Variants in FBXO25 observed in about 807,000 individuals in gnomAD.
FBXO25 encodes the protein F-box protein 25.
A neutral mutation model predicts 51.9 loss-of-function variants in FBXO25; 45 were observed. That is an observed-to-expected ratio of 0.87 (90% CI 0.68 to 1.11). The LOEUF (loss-of-function observed/expected upper bound fraction) is 1.11, where lower values mean the gene tolerates loss of function less well. Ranked by LOEUF, FBXO25 falls within the 50% of genes most tolerant of loss-of-function variation. The pLI is 0.00. For missense variants in FBXO25, 507 were observed against 428.5 expected (o/e 1.18, Z -1.62); for synonymous variants, 199 against 151.0 (o/e 1.32, Z -2.33).
chr8:435,481 A>T (rs1798048524), intron 4 of FBXO25, 134 bp from the exon 5 acceptor site: 1 of 1,041,090 alleles, frequency 9.6e-7, no homozygotes, highest in East Asian at 2.6e-5. Flanking sequence ...TCTCATCTAA[A>T]TCTAAAATCA....
chr8:474,941 T>C lies in FBXO25; in HGVS notation c.*6137T>C, dbSNP rs1458999860. Reference sequence around the variant, plus strand: ...AAAATACTTTGTCCCATTCCGTGGATTGCCTTTCACTCTGTTTTGTTCTTT... The same window carrying C: ...AAAATACTTTGTCCCATTCCGTGGACTGCCTTTCACTCTGTTTTGTTCTTT... On this transcript the variant is annotated 3_prime_UTR_variant, in exon 10 of 10. Coordinates refer to ENST00000350302, the MANE Select transcript of FBXO25 (RefSeq NM_183420.2). The C allele has an allele frequency of 1.6e-5, 7 of 451,168 alleles. No individual in the cohort carries two copies. The East Asian group carries it at 4.2e-4, about 27-fold the overall frequency. 27.9% of individuals were successfully genotyped at this position (451,168 alleles called of 1,614,324 possible). A position where few individuals can be genotyped will look rare whatever the true frequency, so the allele number is the denominator to read the frequency against.
At chr8:424,073 A>G (rs1445314802) in intron 2 of FBXO25, among the ~76,000 whole-genome samples, 2 of 146,206 alleles carry the variant, frequency 1.4e-5, no homozygotes, top group African/African-American at 5.1e-5. Context: ...TTTGTTGGCC[A>G]CTTGTATATC....
intron 2 of FBXO25, among the ~76,000 whole-genome samples, chr8:425,978 C>G (rs1321208562): frequency 6.6e-6 from 1 of 150,926 alleles, no homozygotes; most frequent in African/African-American, 2.4e-5. Flanking sequence ...GTACCTGATA[C>G]TGCAGTTAGC....
Position 474,548 on chromosome 8 carries a change from A to G in FBXO25, c.*5744A>G, listed in dbSNP as rs956536495. The G allele has an allele frequency of 2.9e-6, 1 of 349,990 alleles. No individual in the cohort carries two copies. The highest frequency in any genetic ancestry group is 2.2e-5 in the African/African-American group (1 of 46,118). The allele number at this position is 349,990 out of a possible 1,614,324, so 21.7% of individuals were successfully genotyped here. On this transcript the variant is annotated 3_prime_UTR_variant, in exon 10 of 10. Transcript: ENST00000350302. ...CCAGTTTTGCCACATCCTTGCCAAC[A>G]CCTGTTTTTAATAATTGCCATCCTA...
rs765331447 is a variant in FBXO25, at chr8:467,716, G to T, written c.988-999G>T. The T allele has an allele frequency of 2.5e-6, 4 of 1,613,324 alleles. No homozygotes were observed. In the African/African-American group the frequency reaches 5.4e-5, roughly 22 times the overall value. ...TTCCTGATTCTTTCTTCATGATCTC[G>T]AAGGACTACCATCTTGCTTTACTAT... On this transcript the variant is annotated intron_variant, in intron 9 of 9. Coordinates refer to ENST00000350302, the MANE Select transcript of FBXO25 (RefSeq NM_183420.2).
rs1796573256 is a variant in FBXO25 at position 412,969 on chromosome 8, T to C, written c.-7-104T>C. On this transcript the variant is annotated intron_variant, in intron 1 of 9. Transcript: ENST00000350302. ...CAACGTTTAATTAATGAGCAGACATTTAAATGTTAAGAACTTTAATCTTTA... is the reference window on the plus strand; with the variant it reads ...CAACGTTTAATTAATGAGCAGACATCTAAATGTTAAGAACTTTAATCTTTA... The C allele has an allele frequency of 4.9e-6, 5 of 1,013,778 alleles. No homozygotes were observed. The South Asian group carries it at 7.3e-5, about 15-fold the overall frequency. The allele number at this position is 1,013,778 out of a possible 1,614,324, so 62.8% of individuals were successfully genotyped here.
intron 4 of FBXO25, among the ~76,000 whole-genome samples, chr8:433,372 C>G (rs1044955569): frequency 6.6e-6 from 1 of 152,146 alleles, no homozygotes; most frequent in African/African-American, 2.4e-5. Context: ...CTCCTGCAGT[C>G]ATACGCATTT....
chr8:464,025 A>G (rs894623866), intron 9 of FBXO25, among the ~76,000 whole-genome samples: 6 of 152,096 alleles, frequency 3.9e-5, no homozygotes, highest in African/African-American at 1.4e-4. Context: ...TTATGGGTGC[A>G]GTGGCGCAAT....
chr8:463,794 G>C (rs1053581826), intron 9 of FBXO25, among the ~76,000 whole-genome samples: 2 of 152,138 alleles, frequency 1.3e-5, no homozygotes, highest in Non-Finnish European at 2.9e-5. Context: ...CAGTCAGAGA[G>C]GTAACTGCTT....
chr8:467,518 G>C (rs778385329), intron 9 of FBXO25, among the ~76,000 whole-genome samples: 3 of 152,102 alleles, frequency 2.0e-5, no homozygotes, highest in African/African-American at 4.8e-5. Context: ...GGAATTTTTG[G>C]GTTATCTGAT....
At chr8:464,407 C>G (rs971932945) in intron 9 of FBXO25, among the ~76,000 whole-genome samples, 1 of 152,252 alleles carries the variant, frequency 6.6e-6, no homozygotes, top group South Asian at 2.1e-4. Flanking sequence ...CTGGAGTGAC[C>G]CTGCTGAGCT....
chr8:468,826 T>C lies in FBXO25; in HGVS notation c.*22T>C, dbSNP rs549462917. ...TTAAGGGCTGCCCCTGCCATCCCTA[T>C]TGGAGATTGTGAATCCTGCTGTCTG... On this transcript the variant is annotated 3_prime_UTR_variant, in exon 10 of 10. Coordinates refer to ENST00000350302, the MANE Select transcript of FBXO25 (RefSeq NM_183420.2). The C allele has an allele frequency of 6.2e-7, 1 of 1,609,842 alleles. No individual in the cohort carries two copies. The highest frequency in any genetic ancestry group is 1.1e-5 in the South Asian group (1 of 90,652).
At chr8:432,417 G>GA (rs781650259) in intron 3 of FBXO25, among the ~76,000 whole-genome samples, 12 of 151,546 alleles carry the variant, frequency 7.9e-5, no homozygotes, top group Non-Finnish European at 1.8e-4. Flanking sequence ...TGAAACTGTA[G>GA]AAGGTGAAAC....
Position 473,709 on chromosome 8 carries a change from A to T in FBXO25, c.*4905A>T, listed in dbSNP as rs1394525540. On this transcript the variant is annotated 3_prime_UTR_variant, in exon 10 of 10. Coordinates refer to ENST00000350302, the MANE Select transcript of FBXO25 (RefSeq NM_183420.2). ...CTTGGACCATAACCAGCGTTCACTG[A>T]GGATGCGGTTTCTTTGAAATGCTCT... The T allele has an allele frequency of 6.6e-6, 1 of 150,884 alleles. No homozygotes were observed. The highest frequency in any genetic ancestry group is 2.4e-5 in the African/African-American group (1 of 40,856). 9.3% of individuals were successfully genotyped at this position (150,884 alleles called of 1,614,324 possible).
chr8:468,897 C>G lies in FBXO25; in HGVS notation c.*93C>G. On this transcript the variant is annotated 3_prime_UTR_variant, in exon 10 of 10. Coordinates refer to ENST00000350302, the MANE Select transcript of FBXO25 (RefSeq NM_183420.2). ...TTCTGTGAGGTGGGTGGAGACTCCT[C>G]GGAAGCCCCTGCTTCCAGAAAGCCT... is the stretch of plus-strand genomic sequence containing the variant. 8.5e-7 allele frequency: 1 copy of G among 1,180,054 alleles called. No individual in the cohort carries two copies. Among genetic ancestry groups the G allele is most frequent in the African/African-American group, 1.5e-5 (1 of 64,554 alleles). 73.1% of individuals were successfully genotyped at this position (1,180,054 alleles called of 1,614,324 possible).
intron 1 of FBXO25, among the ~76,000 whole-genome samples, chr8:410,014 C>G (rs924393866): frequency 2.0e-5 from 3 of 152,140 alleles, no homozygotes; most frequent in African/African-American, 7.2e-5. Flanking sequence ...CTTATTCACC[C>G]ACCATTCCCA....
In FBXO25 at chr8:422,311, C is replaced by T. The variant is rs193295470; in HGVS notation, c.135-9030C>T. Among the ~76,000 whole-genome samples the T allele has an allele frequency of 4.2e-3, 635 of 152,284 alleles. 2 individuals carry two copies. Among genetic ancestry groups the T allele is most frequent in the African/African-American group, 0.014 (602 of 41,548 alleles). On this transcript the variant is annotated intron_variant, in intron 2 of 9. Transcript: ENST00000350302. ...TGGCACATCATCTGTGGTGGTTTTC[C>T]CTAAGCTGAATCAGGAGAAAACAGC...
At chr8:418,181 C>T (rs1796924885) in intron 2 of FBXO25, among the ~76,000 whole-genome samples, 1 of 152,142 alleles carries the variant, frequency 6.6e-6, no homozygotes, top group Non-Finnish European at 1.5e-5. Context: ...TGTCTGCTCC[C>T]ATGCCATCTG....
intron 8 of FBXO25, 129 bp downstream of exon 8, chr8:458,680 A>C: frequency 1.2e-6 from 1 of 849,648 alleles, no homozygotes; most frequent in Non-Finnish European, 1.8e-6. Flanking sequence ...ACCAGGAACA[A>C]TCAGAGTTTA....
Sources: gnomAD v4.1 joint callset for allele counts (sites outside exome capture counted in the v4.1 genomes callset) on GRCh38, gnomAD v4.1.1 for gene constraint, MANE v1.5 for transcripts, NCBI Gene and HGNC (gene_info 2026-07-23, HGNC 2026-07-21) for gene names.